Variants in HORMAD2 observed in about 807,000 individuals in gnomAD.
The protein encoded by HORMAD2 is HORMA domain containing 2, also known as HORMA domain-containing protein 2.
A neutral mutation model predicts 38.8 loss-of-function variants in HORMAD2; 45 were observed. The ratio of observed to expected loss-of-function variants is 1.16; its 90% CI spans 0.91 to 1.49. The LOEUF (loss-of-function observed/expected upper bound fraction) is 1.49, where lower values mean the gene tolerates loss of function less well. Ranked by LOEUF, HORMAD2 falls within the 40% of genes most tolerant of loss-of-function variation. The probability of loss-of-function intolerance (pLI) is 0.00; values close to 1 mark genes in which losing one functional copy is unlikely to be tolerated. For synonymous variants in HORMAD2, 126 were observed against 122.8 expected (o/e 1.03, Z -0.17); for missense variants, 338 against 367.0 (o/e 0.92, Z 0.65).
intron 5 of HORMAD2, among the ~76,000 whole-genome samples, 189 bp from the exon 6 acceptor site, chr22:30,111,607 C>T (rs538976122): frequency 1.8e-3 from 278 of 152,242 alleles, no homozygotes; most frequent in Middle Eastern, 0.01. Context: ...CATAGGGAGT[C>T]CTGGAACTAA....
chr22:30,085,997 C>T (rs1417063600), intron 1 of HORMAD2, among the ~76,000 whole-genome samples: 1 of 152,182 alleles, frequency 6.6e-6, no homozygotes, highest in East Asian at 1.9e-4. Context: ...TATGTCTCCA[C>T]CCAAATCTCA....
intron 10 of HORMAD2, among the ~76,000 whole-genome samples, chr22:30,139,407 C>A (rs1416515189): frequency 6.7e-6 from 1 of 149,316 alleles, no homozygotes; most frequent in Non-Finnish European, 1.5e-5. Flanking sequence ...TCTAGAGAAC[C>A]CTGACTGATA....
chr22:30,158,579 C>G (rs1265657689), intron 10 of HORMAD2, among the ~76,000 whole-genome samples: 1 of 56,244 alleles, frequency 1.8e-5, no homozygotes, highest in African/African-American at 8.9e-5. Context: ...TTCCCCTTCC[C>G]CTTCTCCTTC....
At chr22:30,124,468 C>T (rs1023910397) in intron 10 of HORMAD2, among the ~76,000 whole-genome samples, 5 of 152,316 alleles carry the variant, frequency 3.3e-5, no homozygotes, top group African/African-American at 7.2e-5. Context: ...GAAGCCACCA[C>T]GTGTCCCTTC....
chr22:30,113,441 G>C (rs770993578), intron 7 of HORMAD2, among the ~76,000 whole-genome samples: 3 of 151,870 alleles, frequency 2.0e-5, no homozygotes, highest in Non-Finnish European at 4.4e-5. Context: ...GTTTCACCGT[G>C]TTGGCCAGGC....
intron 10 of HORMAD2, among the ~76,000 whole-genome samples, chr22:30,169,027 G>A (rs1010091753): frequency 6.6e-6 from 1 of 152,092 alleles, no homozygotes; most frequent in African/African-American, 2.4e-5. Context: ...GAGGTATCCT[G>A]CTTTATATCC....
At chr22:30,106,885 C>T (rs961774092) in intron 5 of HORMAD2, among the ~76,000 whole-genome samples, 1 of 152,198 alleles carries the variant, frequency 6.6e-6, no homozygotes, top group Non-Finnish European at 1.5e-5. Flanking sequence ...ACCTGGAGGA[C>T]TTGTTAAAAC....
chr22:30,188,616 C>G, the HORMAD2 span, among the ~76,000 whole-genome samples: 1 of 152,216 alleles, frequency 6.6e-6, no homozygotes, highest in African/African-American at 2.4e-5. Flanking sequence ...TTTCAAACTT[C>G]TTATCCAATG....
chr22:30,129,334 T>C lies in HORMAD2; in HGVS notation c.819+7120T>C, dbSNP rs912986178. Among the ~76,000 whole-genome samples, 5 of 150,524 alleles carry C rather than the reference T, an allele frequency of 3.3e-5. No homozygotes were observed. The South Asian group carries it at 8.5e-4, about 26-fold the overall frequency. On this transcript the variant is annotated intron_variant, in intron 10 of 10. Coordinates refer to ENST00000336726, the MANE Select transcript of HORMAD2 (RefSeq NM_152510.4). Reference sequence around the variant, plus strand: ...CATATAAGATATAGCCTGTGCCCTTTAGAATTGTGGCTGAAGAGATAACAC... The same window carrying C: ...CATATAAGATATAGCCTGTGCCCTTCAGAATTGTGGCTGAAGAGATAACAC...
At chr22:30,128,586 G>A (rs755407855) in intron 10 of HORMAD2, among the ~76,000 whole-genome samples, 19 of 152,212 alleles carry the variant, frequency 1.2e-4, no homozygotes, top group Middle Eastern at 3.4e-3. Flanking sequence ...TACGAATATA[G>A]TATCAGGAGT....
chr22:30,103,564 T>G (rs897043079), intron 4 of HORMAD2, 64 bp downstream of exon 4: 1 of 731,198 alleles, frequency 1.4e-6, no homozygotes, highest in Admixed American at 2.6e-5. Flanking sequence ...AAATTACCCA[T>G]AAGACTTTAT....
At chr22:30,181,037 C>T (rs554057609), downstream of HORMAD2, among the ~76,000 whole-genome samples, 5 of 139,464 alleles carry the variant, frequency 3.6e-5, no homozygotes, top group Non-Finnish European at 7.8e-5. Context: ...TCCCTCTCTT[C>T]TCTTCTCTTT....
intron 3 of HORMAD2, among the ~76,000 whole-genome samples, chr22:30,101,113 A>G (rs371126498): frequency 9.9e-5 from 15 of 152,244 alleles, no homozygotes; most frequent in Admixed American, 2.0e-4. Context: ...AAATCATTCT[A>G]TTATAAAGAC....
downstream of HORMAD2, among the ~76,000 whole-genome samples, chr22:30,181,028 C>T (rs961259269): frequency 7.2e-6 from 1 of 138,842 alleles, no homozygotes; most frequent in African/African-American, 2.6e-5. Context: ...TACCCTCCCT[C>T]CCTCTCTTCT....
chr22:30,123,574 A>G (rs777094097), intron 10 of HORMAD2, among the ~76,000 whole-genome samples: 4 of 152,052 alleles, frequency 2.6e-5, no homozygotes, highest in African/African-American at 7.3e-5. Context: ...GGCTCAAGCA[A>G]TCCTTTCACT....
At chr22:30,117,566 AG>A (rs1922133681) in intron 7 of HORMAD2, among the ~76,000 whole-genome samples, 1 of 151,196 alleles carries the variant, frequency 6.6e-6, no homozygotes, top group African/African-American at 2.4e-5. Flanking sequence ...TGGAGTGCAG[AG>A]GAACAGTCTA....
intron 10 of HORMAD2, among the ~76,000 whole-genome samples, chr22:30,153,395 C>A (rs1303983874): frequency 6.6e-6 from 1 of 152,106 alleles, no homozygotes; most frequent in Non-Finnish European, 1.5e-5. Flanking sequence ...GTCTAAACAC[C>A]TTTTCTTGGC....
At chr22:30,180,876 CCCTTTCCCTTTCCCTT>C (rs1340896951), downstream of HORMAD2, among the ~76,000 whole-genome samples, 1 of 142,414 alleles carries the variant, frequency 7.0e-6, no homozygotes, top group African/African-American at 2.7e-5. Flanking sequence ...TTCTTCCCTT[CCCTTTCCCTTTCCCTT>C]CCTTCCCTTT....
intron 10 of HORMAD2, among the ~76,000 whole-genome samples, chr22:30,169,188 A>G (rs531660605): frequency 3.7e-4 from 56 of 152,238 alleles, no homozygotes. Flanking sequence ...GAAAGAACTG[A>G]TAAGATCTTT....
Sources: gnomAD v4.1 joint callset for allele counts (sites outside exome capture counted in the v4.1 genomes callset) on GRCh38, gnomAD v4.1.1 for gene constraint, MANE v1.5 for transcripts, NCBI Gene and HGNC (gene_info 2026-07-23, HGNC 2026-07-21) for gene names.